Variants in AEBP2 observed in about 807,000 individuals in gnomAD.
AEBP2 encodes the protein zinc finger protein AEBP2.
In AEBP2, 10 loss-of-function variants were observed where a neutral mutation model predicts 50.8. The observed-to-expected ratio is 0.20, with a 90% CI of 0.12 to 0.33. The LOEUF is 0.33. AEBP2 is among the 10% of genes least tolerant of loss of function. The pLI is 1.00. For missense variants in AEBP2, 570 were observed against 688.0 expected (o/e 0.83, Z 1.92); for synonymous variants, 296 against 261.3 (o/e 1.13, Z -1.28).
rs1335690521 is a variant in AEBP2 at position 19,518,530 on chromosome 12, C to T, written c.*413C>T. The T allele has an allele frequency of 7.9e-7, 1 of 1,273,702 alleles. No homozygotes were observed. Among genetic ancestry groups the T allele is most frequent in the African/African-American group, 1.5e-5 (1 of 65,300 alleles). The allele number at this position is 1,273,702 out of a possible 1,614,324, so 78.9% of individuals were successfully genotyped here. The stretch of plus-strand genomic sequence containing the variant: ...CATGTGCCCTTACAAATACCAAAAG[C>T]ACTGTAAGGATATTTGTCTTGACAG... On this transcript the variant is annotated 3_prime_UTR_variant, in exon 8 of 8. Transcript: ENST00000266508.
intron 1 of AEBP2, chr12:19,456,554 T>C: frequency 6.5e-7 from 1 of 1,536,294 alleles, no homozygotes. Flanking sequence ...GGCAATCCAG[T>C]ACAGGGGCAT....
intron 1 of AEBP2, among the ~76,000 whole-genome samples, chr12:19,424,712 A>T (rs529454643): frequency 7.9e-5 from 12 of 151,898 alleles, no homozygotes; most frequent in East Asian, 3.9e-4. Context: ...GTCATTTTTT[A>T]AAAAAAGTAC....
upstream of AEBP2, among the ~76,000 whole-genome samples, chr12:19,435,321 C>T (rs913713394): frequency 2.7e-5 from 4 of 150,938 alleles, no homozygotes; most frequent in South Asian, 2.1e-4. Flanking sequence ...TGCTCCGTCA[C>T]CCAGGCTGGA....
intron 2 of AEBP2, among the ~76,000 whole-genome samples, chr12:19,468,511 T>C (rs1948521630): frequency 6.6e-6 from 1 of 152,224 alleles, no homozygotes; most frequent in Non-Finnish European, 1.5e-5. Context: ...ATTGCACTTT[T>C]TTGCAGTGGA....
chr12:19,439,928 G>C lies in AEBP2; in HGVS notation c.229G>C (p.Gly77Arg), dbSNP rs1363682219. ...GGGGGGGVGGGEAETMSEPSP... is the reference protein window; with the variant it reads ...GGGGGGGVGGREAETMSEPSP... ...AGGCGGCGGCGGAGGAGTGGGGGGC[G>C]GCGAGGCAGAGACGATGTCGGAGCC... Residue 77 changes from glycine (G) to arginine (R), a missense_variant, in exon 1 of 8, where the codon GGC (glycine) becomes CGC (arginine). Physicochemically the swap from Gly to Arg is moderately radical, Grantham distance 125. Around this residue, in one of 2 missense-constraint regions of AEBP2, gnomAD observed 386 missense variants for 336.8 expected, o/e 1.15. Coordinates refer to ENST00000266508, the MANE Select transcript of AEBP2 (RefSeq NM_153207.5). 1 of 1,510,290 alleles carries C rather than the reference G, an allele frequency of 6.6e-7. No individual in the cohort carries two copies. Among genetic ancestry groups the C allele is most frequent in the Non-Finnish European group, 8.8e-7 (1 of 1,136,496 alleles). The allele number at this position is 1,510,290 out of a possible 1,614,324, so 93.6% of individuals were successfully genotyped here. A position where few individuals can be genotyped will look rare whatever the true frequency, so the allele number is the denominator to read the frequency against.
intron 1 of AEBP2, among the ~76,000 whole-genome samples, chr12:19,453,805 G>C (rs984262988): frequency 6.6e-6 from 1 of 151,838 alleles, no homozygotes; most frequent in Non-Finnish European, 1.5e-5. Flanking sequence ...TTCTTTCTTT[G>C]TTTTTTGAGA....
At chr12:19,431,876 C>A (rs2095751614) in intron 1 of AEBP2, among the ~76,000 whole-genome samples, 1 of 152,184 alleles carries the variant, frequency 6.6e-6, no homozygotes, top group South Asian at 2.1e-4. Flanking sequence ...GCAATATCAA[C>A]ACACAGAACC....
chr12:19,436,902 C>A (rs1947866383), upstream of AEBP2, among the ~76,000 whole-genome samples: 1 of 152,122 alleles, frequency 6.6e-6, no homozygotes, highest in African/African-American at 2.4e-5. Context: ...ACCTGGCCCC[C>A]ATGCTGAGTA....
At position 19,440,130 on chromosome 12, in the gene AEBP2, C is replaced by T. The variant is rs1947922559; in HGVS notation, c.431C>T (p.Ala144Val). ...GAGACCCGCTCGTTGAGCCCCGGCG[C>T]CGCCAGCAGCAGCAGCGGGGATGGG... The part of the protein sequence containing the change: ...SDETRSLSPG[A>V]ASSSSGDGDG... Residue 144 changes from alanine to valine, a missense_variant, in exon 1 of 8, where the codon GCC becomes GTC. Transcript: ENST00000266508. 2 of 1,504,406 alleles carry T rather than the reference C, an allele frequency of 1.3e-6. No individual in the cohort carries two copies. Among genetic ancestry groups the T allele is most frequent in the Non-Finnish European group, 1.8e-6 (2 of 1,133,194 alleles). 93.2% of individuals were successfully genotyped at this position (1,504,406 alleles called of 1,614,324 possible).
intron 7 of AEBP2, among the ~76,000 whole-genome samples, chr12:19,517,618 C>G (rs1022424857): frequency 1.3e-5 from 2 of 152,278 alleles, no homozygotes; most frequent in South Asian, 4.1e-4. Flanking sequence ...GGGGACCCCC[C>G]ACTCCCACTG....
rs961021039 is a variant in AEBP2, at chr12:19,521,162, G to A, written c.*3045G>A. On this transcript the variant is annotated 3_prime_UTR_variant, in exon 8 of 8. Transcript: ENST00000266508. ...TCTGGTCCTTTAAGAAAAAGTTTTC[G>A]ATTCCTTTGTCTAGTTGACAAAAAG... 2 of 152,190 alleles carry A rather than the reference G, an allele frequency of 1.3e-5. No homozygotes were observed. The highest frequency in any genetic ancestry group is 1.5e-5 in the Non-Finnish European group (1 of 67,984). 9.4% of individuals were successfully genotyped at this position (152,190 alleles called of 1,614,324 possible).
intron 1 of AEBP2, among the ~76,000 whole-genome samples, chr12:19,454,844 GA>G (rs772062631): frequency 1.5e-4 from 23 of 152,264 alleles, no homozygotes; most frequent in Non-Finnish European, 2.9e-4. Context: ...TCACAGAACT[GA>G]AAAGAAGACT....
At chr12:19,411,851 A>T (rs1187967241) in intron 1 of AEBP2, among the ~76,000 whole-genome samples, 1 of 152,238 alleles carries the variant, frequency 6.6e-6, no homozygotes, top group Non-Finnish European at 1.5e-5. Context: ...TCTAAAAATT[A>T]TTGCGCACAT....
chr12:19,439,591 C>G lies in AEBP2; in HGVS notation c.-109C>G. The G allele has an allele frequency of 2.2e-6, 3 of 1,393,144 alleles. No individual in the cohort carries two copies. The highest frequency in any genetic ancestry group is 2.9e-6 in the Non-Finnish European group (3 of 1,050,534). 86.3% of individuals were successfully genotyped at this position (1,393,144 alleles called of 1,614,324 possible). A position where few individuals can be genotyped will look rare whatever the true frequency, so the allele number is the denominator to read the frequency against. ...GCTCGCGGGCCCTCCTCCTGCTCTG[C>G]AGCGGCGTCGGCGGAGTTTTGGGCG... On this transcript the variant is annotated 5_prime_UTR_variant, in exon 1 of 8. Coordinates refer to ENST00000266508, the MANE Select transcript of AEBP2 (RefSeq NM_153207.5).
intron 7 of AEBP2, among the ~76,000 whole-genome samples, chr12:19,517,057 T>G (rs752456228): frequency 1.3e-5 from 2 of 152,138 alleles, no homozygotes; most frequent in African/African-American, 4.8e-5. Context: ...AAAACTTAAT[T>G]TTGACTCTAA....
Position 19,440,005 on chromosome 12 carries a change from CGACGAGGAGGAGGAA to C in AEBP2, c.309_323del (p.Glu105_Glu109del). 6.6e-7 allele frequency: 1 copy of C among 1,519,714 alleles called. No individual in the cohort carries two copies. Among genetic ancestry groups the C allele is most frequent in the Non-Finnish European group, 8.8e-7 (1 of 1,139,966 alleles). 94.1% of individuals were successfully genotyped at this position (1,519,714 alleles called of 1,614,324 possible). A position where few individuals can be genotyped will look rare whatever the true frequency, so the allele number is the denominator to read the frequency against. On this transcript the variant is annotated inframe_deletion, in exon 1 of 8. Transcript: ENST00000266508. ...GGGAGGACGAAGACGAGGAGGAGGA[CGACGAGGAGGAGGAA>C]GATGAGAGCAGCAGCAGCGGCGGGG...
intron 6 of AEBP2, among the ~76,000 whole-genome samples, chr12:19,513,322 A>AT (rs35311682): frequency 0.64 from 95,909 of 150,824 alleles, 31,864 homozygotes; most frequent in Non-Finnish European, 0.76. Flanking sequence ...TATTTCATGT[A>AT]TTTTTTTATC....
intron 1 of AEBP2, among the ~76,000 whole-genome samples, chr12:19,450,630 GA>G (rs1342406988): frequency 7.4e-6 from 1 of 135,400 alleles, no homozygotes; most frequent in Non-Finnish European, 1.6e-5. Flanking sequence ...AGGAGTTTGA[GA>G]CCAGCCTAAG....
At chr12:19,484,250 A>ATT (rs59403434) in intron 3 of AEBP2, among the ~76,000 whole-genome samples, 17 of 107,496 alleles carry the variant, frequency 1.6e-4, no homozygotes, top group African/African-American at 4.7e-4. Flanking sequence ...CGCCCAGCCA[A>ATT]TTTTTTTTTT....
Sources: allele counts gnomAD v4.1 joint callset (sites outside exome capture counted in the v4.1 genomes callset), GRCh38; gene constraint gnomAD v4.1.1; regional missense constraint gnomAD v4.1.1; transcripts MANE v1.5; gene names NCBI Gene and HGNC (gene_info 2026-07-23, HGNC 2026-07-21).